NDUFS4: variants seen among roughly 807,000 people sequenced by gnomAD.
The protein encoded by NDUFS4 is NADH:ubiquinone oxidoreductase subunit S4.
A neutral mutation model predicts 24.3 loss-of-function variants in NDUFS4; 28 were observed. The observed-to-expected ratio is 1.15, with a 90% CI of 0.85 to 1.58. The LOEUF is 1.58. NDUFS4 is among the 40% of genes most tolerant of loss of function. The pLI, the probability that NDUFS4 is intolerant of heterozygous loss-of-function variation, is 0.00. For synonymous variants in NDUFS4, 93 were observed against 69.7 expected (o/e 1.34, Z -1.67); for missense variants, 223 against 207.9 (o/e 1.07, Z -0.45).
rs771537276 is a variant in NDUFS4, at chr5:53,683,147, G to T, written c.454G>T (p.Val152Phe). Residue 152 changes from valine to phenylalanine, a missense_variant, in exon 5 of 5, where the codon GTT becomes TTT. Coordinates refer to ENST00000296684, the MANE Select transcript of NDUFS4 (RefSeq NM_002495.4). ...GAGCTATGACATTGAAGAGAGGAAG[G>T]TTCCAAAACCCAAGTCCAAGTCTTA... ...GWSYDIEERKVPKPKSKSYGA... is the reference protein window; with the variant it reads ...GWSYDIEERKFPKPKSKSYGA... The T allele has an allele frequency of 4.3e-6, 7 of 1,611,018 alleles. No individual in the cohort carries two copies. Among genetic ancestry groups the T allele is most frequent in the South Asian group, 3.3e-5 (3 of 91,002 alleles).
In NDUFS4 at chr5:53,621,494, T is replaced by C. The variant is rs1398376439; in HGVS notation, c.177+17964T>C. 1.3e-5 allele frequency among the ~76,000 whole-genome samples: 2 copies of C among 152,002 alleles called. 1 individual carries two copies. The highest frequency in any genetic ancestry group is 1.3e-4 in the Admixed American group (2 of 15,250). ...TGTCCTATCTGATTTCTTTTTTCTT[T>C]CTTTTTTGTTTTAACAGTTGCTTTA... is the stretch of plus-strand genomic sequence containing the variant. On this transcript the variant is annotated intron_variant, in intron 2 of 4. Transcript: ENST00000296684.
chr5:53,664,159 C>T (rs551757845), intron 4 of NDUFS4, among the ~76,000 whole-genome samples: 5 of 152,106 alleles, frequency 3.3e-5, no homozygotes, highest in African/African-American at 4.8e-5. Context: ...TGAATATTGG[C>T]CCCCACTCTT....
chr5:53,565,122 T>C (rs563007974), intron 1 of NDUFS4, among the ~76,000 whole-genome samples: 8 of 152,354 alleles, frequency 5.3e-5, no homozygotes, highest in South Asian at 2.1e-4. Context: ...TTTTGTCATA[T>C]TCCTTTTCCC....
Position 53,683,194 on chromosome 5 carries a change from C to T in NDUFS4, c.501C>T (p.Asn167=). ...CTTATGGTGCAAACTTTTCTTGGAA[C>T]AAAAGAACAAGAGTATCCACAAAAT... The part of the protein sequence containing the change: ...SKSYGANFSW[N]KRTRVSTK Residue 167 remains asparagine, a synonymous_variant, in exon 5 of 5, where the codon AAC becomes AAT. Transcript: ENST00000296684. 3 of 1,610,930 alleles carry T rather than the reference C, an allele frequency of 1.9e-6. No homozygotes were observed. The highest frequency in any genetic ancestry group is 1.1e-5 in the South Asian group (1 of 90,990).
At chr5:53,564,586 C>T (rs1748958758) in intron 1 of NDUFS4, among the ~76,000 whole-genome samples, 1 of 152,176 alleles carries the variant, frequency 6.6e-6, no homozygotes, top group African/African-American at 2.4e-5. Flanking sequence ...GTTGCTCAGG[C>T]TGGAGTGCAG....
chr5:53,649,213 T>G (rs1346344388), intron 3 of NDUFS4, among the ~76,000 whole-genome samples: 1 of 152,194 alleles, frequency 6.6e-6, no homozygotes, highest in Non-Finnish European at 1.5e-5. Context: ...TTGTTCTTTT[T>G]TAAATTTTAG....
intron 2 of NDUFS4, among the ~76,000 whole-genome samples, chr5:53,620,808 C>T (rs887848903): frequency 1.3e-5 from 2 of 152,192 alleles, no homozygotes; most frequent in African/African-American, 2.4e-5. Context: ...TAGTCAGCAA[C>T]ATACTCTATG....
At chr5:53,578,536 A>G (rs1444366734) in intron 1 of NDUFS4, among the ~76,000 whole-genome samples, 1 of 151,934 alleles carries the variant, frequency 6.6e-6, no homozygotes, top group East Asian at 1.9e-4. Context: ...TTTAGAGTCA[A>G]CTCTACCTAC....
intron 2 of NDUFS4, among the ~76,000 whole-genome samples, chr5:53,614,151 C>T (rs1750777343): frequency 6.6e-6 from 1 of 151,562 alleles, no homozygotes; most frequent in African/African-American, 2.4e-5. Context: ...ATTTTAAAAC[C>T]TGTTATATTT....
intron 1 of NDUFS4, among the ~76,000 whole-genome samples, chr5:53,596,078 A>G (rs1750124166): frequency 6.6e-6 from 1 of 152,200 alleles, no homozygotes; most frequent in South Asian, 2.1e-4. Context: ...TAATTTAAAC[A>G]AAGCATTTGT....
At chr5:53,620,825 A>AT in intron 2 of NDUFS4, among the ~76,000 whole-genome samples, 1 of 152,082 alleles carries the variant, frequency 6.6e-6, no homozygotes, top group Non-Finnish European at 1.5e-5. Flanking sequence ...TATGATTTCA[A>AT]TTTTCAGATT....
At chr5:53,634,341 CT>C (rs1751490826) in intron 2 of NDUFS4, among the ~76,000 whole-genome samples, 1 of 151,990 alleles carries the variant, frequency 6.6e-6, no homozygotes, top group Non-Finnish European at 1.5e-5. Context: ...AATTAAGTTC[CT>C]TTATTGCTTA....
intron 1 of NDUFS4, among the ~76,000 whole-genome samples, chr5:53,575,010 G>A (rs912545316): frequency 3.9e-5 from 6 of 152,136 alleles, no homozygotes; most frequent in African/African-American, 1.4e-4. Flanking sequence ...CAGATTTTTG[G>A]CTCCCGCACA....
chr5:53,570,349 G>A (rs374922976), intron 1 of NDUFS4, among the ~76,000 whole-genome samples: 27 of 151,882 alleles, frequency 1.8e-4, no homozygotes, highest in African/African-American at 6.5e-4. Flanking sequence ...TTCATGTATC[G>A]ACAGTTTGTT....
chr5:53,635,185 T>C (rs1751512541), intron 2 of NDUFS4, among the ~76,000 whole-genome samples: 1 of 132,254 alleles, frequency 7.6e-6, no homozygotes, highest in African/African-American at 3.1e-5. Context: ...GCAAAAACTC[T>C]GTTAAATAAA....
At chr5:53,582,627 A>G (rs1749609880) in intron 1 of NDUFS4, among the ~76,000 whole-genome samples, 1 of 152,232 alleles carries the variant, frequency 6.6e-6, no homozygotes, top group Admixed American at 6.5e-5. Flanking sequence ...ATATAACAAA[A>G]TGACCTTGAA....
At chr5:53,561,711 A>G (rs951504164) in intron 1 of NDUFS4, among the ~76,000 whole-genome samples, 1 of 152,178 alleles carries the variant, frequency 6.6e-6, no homozygotes, top group Non-Finnish European at 1.5e-5. Flanking sequence ...GTCTAGTAGA[A>G]TGCTAATTGA....
intron 1 of NDUFS4, among the ~76,000 whole-genome samples, chr5:53,579,214 C>T (rs900638457): frequency 2.0e-5 from 3 of 152,162 alleles, no homozygotes; most frequent in Non-Finnish European, 2.9e-5. Flanking sequence ...ATTCATTGAA[C>T]TATCATTGTT....
chr5:53,622,454 A>G (rs1003770771), intron 2 of NDUFS4, among the ~76,000 whole-genome samples: 8 of 152,132 alleles, frequency 5.3e-5, no homozygotes, highest in African/African-American at 1.9e-4. Context: ...ATGGCCACAG[A>G]GAGAGAGAAA....
Sources: gnomAD v4.1 joint callset for allele counts (sites outside exome capture counted in the v4.1 genomes callset) on GRCh38, gnomAD v4.1.1 for gene constraint, MANE v1.5 for transcripts, NCBI Gene and HGNC (gene_info 2026-07-23, HGNC 2026-07-21) for gene names.